The following KIF26B variants were observed in gnomAD, a reference collection of about 807,000 sequenced individuals.
KIF26B encodes the protein kinesin family member 26B, also known as kinesin-like protein KIF26B.
A neutral mutation model predicts 151.2 loss-of-function variants in KIF26B; 63 were observed. That is an observed-to-expected ratio of 0.42 (90% CI 0.34 to 0.51). The LOEUF (loss-of-function observed/expected upper bound fraction) is 0.51. KIF26B is among the 20% of genes least tolerant of loss of function. KIF26B has a pLI of 0.07. For missense variants in KIF26B, 2,813 were observed against 2,913.6 expected (o/e 0.97, Z 0.79); for synonymous variants, 1,357 against 1,262.1 (o/e 1.08, Z -1.59).
intron 2 of KIF26B, among the ~76,000 whole-genome samples, chr1:245,208,114 C>T (rs2103541848): frequency 6.6e-6 from 1 of 152,290 alleles, no homozygotes; most frequent in Non-Finnish European, 1.5e-5. Context: ...TGAGCTTCCT[C>T]TTCTATTCTC....
At chr1:245,590,513 C>T (rs1252812065) in intron 5 of KIF26B, among the ~76,000 whole-genome samples, 1 of 152,184 alleles carries the variant, frequency 6.6e-6, no homozygotes, top group Non-Finnish European at 1.5e-5. Context: ...ACCAAGTATT[C>T]AGAAAAACCT....
At position 245,367,312 on chromosome 1, in the gene KIF26B, T is replaced by C; in HGVS notation, c.944T>C (p.Leu315Pro). 1 of 1,597,022 alleles carries C rather than the reference T, an allele frequency of 6.3e-7. No individual in the cohort carries two copies. Among genetic ancestry groups the C allele is most frequent in the Non-Finnish European group, 8.5e-7 (1 of 1,171,946 alleles). The change falls in exon 3 of 15, where the codon CTG becomes CCG. Residue 315 changes from leucine (L) to proline (P), a missense_variant. Leu to Pro is a moderately conservative substitution (Grantham distance 98). This residue lies in a region of KIF26B where 676 missense variants were observed against 688.1 expected (regional missense o/e 0.98). Transcript: ENST00000407071. The surrounding 1 kb of genome is among the most constrained non-coding windows in gnomAD (Gnocchi z 4.2). ...GTGGCCATCCAGGCTCACCAGTACC[T>C]GGATGGCACCTGGTCCCTGTCGAGA... ...NSVAIQAHQY[L>P]DGTWSLSRTN...
intron 4 of KIF26B, among the ~76,000 whole-genome samples, chr1:245,529,718 A>G (rs1032488777): frequency 3.3e-5 from 5 of 152,206 alleles, no homozygotes; most frequent in African/African-American, 1.2e-4. Flanking sequence ...GGTTTATACT[A>G]TCGAAAGGAA....
rs149759768 is a variant in KIF26B at position 245,211,072 on chromosome 1, A to G, written c.465+54389A>G. Among the ~76,000 whole-genome samples, 328 of 152,196 alleles carry G rather than the reference A, an allele frequency of 2.2e-3. 1 individual carries two copies. Among genetic ancestry groups the G allele is most frequent in the African/African-American group, 7.4e-3 (309 of 41,528 alleles). ...TGTATAGGCCTTGTGTCTTCTTGTG[A>G]TGTTTCCCAGCGATGGGCCTGAACG... On this transcript the variant is annotated intron_variant, in intron 2 of 14. Transcript: ENST00000407071.
At chr1:245,524,097 C>T (rs143300640) in intron 4 of KIF26B, among the ~76,000 whole-genome samples, 84 of 152,192 alleles carry the variant, frequency 5.5e-4, no homozygotes, top group African/African-American at 1.7e-3. Flanking sequence ...AAAAAGACAC[C>T]GGTTCCTAGA....
At chr1:245,334,951 G>A (rs2102992847) in intron 2 of KIF26B, among the ~76,000 whole-genome samples, 1 of 152,328 alleles carries the variant, frequency 6.6e-6, no homozygotes, top group South Asian at 2.1e-4. Flanking sequence ...TTTGAACCCA[G>A]GTCTCATGAC....
intron 4 of KIF26B, among the ~76,000 whole-genome samples, chr1:245,467,858 G>A (rs1179715942): frequency 6.7e-6 from 1 of 150,366 alleles, no homozygotes; most frequent in Non-Finnish European, 1.5e-5. Flanking sequence ...TCTTGCCACT[G>A]CATTCCAGCC....
intron 4 of KIF26B, among the ~76,000 whole-genome samples, chr1:245,423,766 C>T (rs533831453): frequency 2.9e-4 from 44 of 152,134 alleles, no homozygotes; most frequent in African/African-American, 9.4e-4. Flanking sequence ...CTCCATATAG[C>T]GTCGCTCTCA....
At chr1:245,303,346 C>T (rs1474916803) in intron 2 of KIF26B, among the ~76,000 whole-genome samples, 8 of 151,172 alleles carry the variant, frequency 5.3e-5, no homozygotes, top group Admixed American at 2.6e-4. Flanking sequence ...CTACAGGTGC[C>T]CGCCACCACG....
chr1:245,390,882 G>A (rs1358785725), intron 3 of KIF26B, among the ~76,000 whole-genome samples: 1 of 119,906 alleles, frequency 8.3e-6, no homozygotes, highest in East Asian at 3.0e-4. Flanking sequence ...GTCTGGGGAA[G>A]TTCCAGACCA....
At chr1:245,678,804 C>A (rs1478093153) in intron 10 of KIF26B, among the ~76,000 whole-genome samples, 1 of 151,504 alleles carries the variant, frequency 6.6e-6, no homozygotes, top group Non-Finnish European at 1.5e-5. Context: ...CGGAGGTTGC[C>A]GTGAGCTGAG....
intron 4 of KIF26B, among the ~76,000 whole-genome samples, chr1:245,519,995 T>G (rs1661053834): frequency 6.6e-6 from 1 of 152,246 alleles, no homozygotes; most frequent in Admixed American, 6.5e-5. Flanking sequence ...AAGAACATAT[T>G]GTTCAAGTAC....
chr1:245,593,899 G>GC lies in KIF26B; in HGVS notation c.1351-8677dup, dbSNP rs112302837. On this transcript the variant is annotated intron_variant, in intron 5 of 14. Transcript: ENST00000407071. ...TGAGATGGTATCTCATTGTGGTGTTGCTTTGCATTTCCCTAATGACCAGTG... is the reference window on the plus strand; with the variant it reads ...TGAGATGGTATCTCATTGTGGTGTTGCCTTTGCATTTCCCTAATGACCAGTG... Among the ~76,000 whole-genome samples, 105 of 152,290 alleles carry GC rather than the reference G, an allele frequency of 6.9e-4. 3 individuals are homozygous for GC. The highest frequency in any genetic ancestry group is 1.9e-3 in the African/African-American group (79 of 41,560).
At chr1:245,270,898 T>C (rs1670845765) in intron 2 of KIF26B, among the ~76,000 whole-genome samples, 1 of 152,242 alleles carries the variant, frequency 6.6e-6, no homozygotes, top group African/African-American at 2.4e-5. Context: ...CAGGTCTACA[T>C]TTAAGTCCTT....
chr1:245,271,480 G>T (rs112646720), intron 2 of KIF26B, among the ~76,000 whole-genome samples: 3,311 of 151,354 alleles, frequency 0.022, 59 homozygotes, highest in Non-Finnish European at 0.035. Flanking sequence ...TACATAGGAT[G>T]TTGACTTTTC....
intron 9 of KIF26B, among the ~76,000 whole-genome samples, chr1:245,625,334 G>T (rs1229765329): frequency 1.3e-5 from 2 of 152,118 alleles, no homozygotes; most frequent in East Asian, 3.9e-4. Flanking sequence ...CCAGGATTCT[G>T]ATTGGGATTG....
intron 2 of KIF26B, among the ~76,000 whole-genome samples, chr1:245,220,538 G>A (rs1357188903): frequency 6.6e-6 from 1 of 152,124 alleles, no homozygotes; most frequent in Admixed American, 6.5e-5. Context: ...TGGAGAGTGC[G>A]CCTCACTAGT....
At chr1:245,361,866 C>T (rs970791127) in intron 2 of KIF26B, among the ~76,000 whole-genome samples, 1 of 152,046 alleles carries the variant, frequency 6.6e-6, no homozygotes, top group Non-Finnish European at 1.5e-5. Flanking sequence ...CGCTTGGGGA[C>T]TTTAGTCCAT....
intron 2 of KIF26B, among the ~76,000 whole-genome samples, chr1:245,303,204 T>TGAACTCAGTACATCAACTTACATGA (rs1558381507): frequency 1.6e-4 from 23 of 144,142 alleles, no homozygotes; most frequent in African/African-American, 5.7e-4. Flanking sequence ...GTTCTTTTTT[T>TGAACTCAGTACATCAACTTACATGA]TTTTTTTTTT....
Sources: gnomAD v4.1 joint callset for allele counts (sites outside exome capture counted in the v4.1 genomes callset) on GRCh38, gnomAD v4.1.1 for gene constraint, gnomAD v4.1.1 regional missense constraint, Gnocchi (gnomAD v3.1) non-coding constraint, MANE v1.5 for transcripts, NCBI Gene and HGNC (gene_info 2026-07-23, HGNC 2026-07-21) for gene names.